Variants in MYH10 observed in about 807,000 individuals in gnomAD.
MYH10 encodes myosin heavy chain 10.
Under a neutral mutation model 257.8 loss-of-function variants are expected in MYH10, and 55 were observed. That is an observed-to-expected ratio of 0.21 (90% confidence interval 0.17 to 0.27). MYH10 has a LOEUF of 0.27. Ranked by LOEUF, MYH10 falls within the 10% of genes least tolerant of loss-of-function variation. MYH10 has a pLI of 1.00. For synonymous variants in MYH10, 854 were observed against 921.7 expected, an observed-to-expected ratio of 0.93 and a Z score of 1.33; for missense variants, 1,631 against 2,500.6, an observed-to-expected ratio of 0.65 and a Z score of 7.42.
chr17:8,567,553 G>C (rs1342643170), intron 7 of MYH10, among the ~76,000 whole-genome samples: 2 of 151,976 alleles, frequency 1.3e-5, no homozygotes, highest in African/African-American at 2.4e-5. Flanking sequence ...TTAGGAAGAG[G>C]GTCTTTAAAG....
intron 42 of MYH10, among the ~76,000 whole-genome samples, chr17:8,476,313 G>A (rs1046534782): frequency 3.3e-5 from 5 of 152,238 alleles, no homozygotes; most frequent in Admixed American, 2.6e-4. Flanking sequence ...TTGTTTCGGC[G>A]TTTTTATAAC....
At chr17:8,554,823 C>T (rs1397602641) in intron 7 of MYH10, among the ~76,000 whole-genome samples, 2 of 152,168 alleles carry the variant, frequency 1.3e-5, no homozygotes, top group African/African-American at 4.8e-5. Flanking sequence ...CATGGTGGCG[C>T]ATGCCTGTAA....
At chr17:8,494,820 T>A (rs571404594) in intron 31 of MYH10, among the ~76,000 whole-genome samples, 1 of 152,180 alleles carries the variant, frequency 6.6e-6, no homozygotes, top group Non-Finnish European at 1.5e-5. Context: ...TTATTGGAAA[T>A]GGCCAGCAAG....
At chr17:8,605,179 T>C (rs1023694007) in intron 2 of MYH10, among the ~76,000 whole-genome samples, 197 bp from the exon 3 acceptor site, 20 of 152,178 alleles carry the variant, frequency 1.3e-4, no homozygotes, top group African/African-American at 2.4e-5. Context: ...CTCCCACAGA[T>C]AGCTTATTAA....
intron 1 of MYH10, among the ~76,000 whole-genome samples, chr17:8,625,747 C>G (rs2085651010): frequency 6.6e-6 from 1 of 152,156 alleles, no homozygotes; most frequent in South Asian, 2.1e-4. Context: ...TCCCAAAGTG[C>G]TGGGATTACA....
rs760755512 is a variant in MYH10 at position 8,546,583 on chromosome 17, G to A, written c.1239C>T (p.Val413=). 17 of 1,613,916 alleles carry A rather than the reference G, an allele frequency of 1.1e-5. No individual in the cohort carries two copies. The East Asian group carries it at 2.5e-4, about 23-fold the overall frequency. The part of the protein sequence containing the change: ...TRAILTPRIK[V]GRDYVQKAQT... The stretch of plus-strand genomic sequence containing the variant: ...GGGCTTTTTGCACATAGTCTCGGCC[G>A]ACCTTGATCCGGGGAGTCAGGATGG... The change falls in exon 12 of 43, where the codon GTC becomes GTT. Residue 413 remains valine (V), a synonymous_variant. Coordinates refer to ENST00000360416, the MANE Select transcript of MYH10 (RefSeq NM_001256012.3).
chr17:8,587,650 T>C (rs2152042596), intron 4 of MYH10, among the ~76,000 whole-genome samples: 1 of 152,060 alleles, frequency 6.6e-6, no homozygotes, highest in Admixed American at 6.5e-5. Flanking sequence ...CTCATCACCC[T>C]CCTTGCTCTC....
chr17:8,620,571 T>C (rs1878824709), intron 2 of MYH10, among the ~76,000 whole-genome samples: 1 of 137,436 alleles, frequency 7.3e-6, no homozygotes, highest in African/African-American at 3.6e-5. Context: ...ATTTATGTTA[T>C]ATCTTATCTA....
At chr17:8,622,166 C>T (rs1245607267) in intron 2 of MYH10, among the ~76,000 whole-genome samples, 3 of 152,220 alleles carry the variant, frequency 2.0e-5, no homozygotes, top group African/African-American at 7.2e-5. Flanking sequence ...AAGTCCCACA[C>T]GTGCCACCTT....
At chr17:8,550,348 T>G (rs1302517904) in intron 9 of MYH10, among the ~76,000 whole-genome samples, 1 of 151,204 alleles carries the variant, frequency 6.6e-6, no homozygotes, top group Admixed American at 6.6e-5. Context: ...CCGCCCCGTC[T>G]GGGATGTGAG....
At chr17:8,564,357 A>G (rs772712038) in intron 7 of MYH10, among the ~76,000 whole-genome samples, 1 of 152,218 alleles carries the variant, frequency 6.6e-6, no homozygotes, top group Non-Finnish European at 1.5e-5. Context: ...ATGAAATTTC[A>G]CTGTATACAC....
At chr17:8,503,983 G>T (rs921512185) in intron 28 of MYH10, among the ~76,000 whole-genome samples, 1 of 152,176 alleles carries the variant, frequency 6.6e-6, no homozygotes, top group Admixed American at 6.5e-5. Context: ...GCTCTCCACA[G>T]TGATGACACC....
chr17:8,530,981 G>C (rs2081989556), intron 16 of MYH10, among the ~76,000 whole-genome samples: 1 of 152,138 alleles, frequency 6.6e-6, no homozygotes, highest in Non-Finnish European at 1.5e-5. Flanking sequence ...ACATTTATGA[G>C]GAATAAGGCA....
chr17:8,565,821 T>G (rs1241679144), intron 7 of MYH10, among the ~76,000 whole-genome samples: 1 of 152,238 alleles, frequency 6.6e-6, no homozygotes, highest in East Asian at 1.9e-4. Flanking sequence ...ACCAGCAGAA[T>G]GTAAAATAGG....
At chr17:8,507,712 C>T (rs1249686920) in intron 26 of MYH10, among the ~76,000 whole-genome samples, 2 of 152,250 alleles carry the variant, frequency 1.3e-5, no homozygotes, top group Admixed American at 6.5e-5. Context: ...TGGCTCACGC[C>T]TGTAATCCCA....
chr17:8,521,237 G>A lies in MYH10; in HGVS notation c.2006C>T (p.Ala669Val). 1.2e-6 allele frequency: 2 copies of A among 1,614,214 alleles called. No homozygotes were observed. Among genetic ancestry groups the A allele is most frequent in the South Asian group, 1.1e-5 (1 of 91,080 alleles). ...CTTGGTTTTATATGCGGAGCCAAAA[G>A]CTGTCTCAGTCATACCAGTGACTTG... ...LDQVTGMTET[A>V]FGSAYKTKKG... The change falls in exon 18 of 43, where the codon GCT becomes GTT. Residue 669 changes from alanine to valine, a missense_variant. Around this residue, in one of 11 missense-constraint regions of MYH10, gnomAD observed 96 missense variants for 146.2 expected, o/e 0.66. Transcript: ENST00000360416.
intron 30 of MYH10, 53 bp from the exon 31 acceptor site, chr17:8,495,294 T>C (rs895332897): frequency 5.3e-6 from 6 of 1,140,846 alleles, no homozygotes; most frequent in Non-Finnish European, 7.9e-6. Flanking sequence ...GCAGAAAGGG[T>C]CTAGAAACAC....
At position 8,513,538 on chromosome 17, in the gene MYH10, C is replaced by G; in HGVS notation, c.2745G>C (p.Gln915His). 3 of 1,613,964 alleles carry G rather than the reference C, an allele frequency of 1.9e-6. No individual in the cohort carries two copies. The highest frequency in any genetic ancestry group is 8.5e-7 in the Non-Finnish European group (1 of 1,179,910). ...ELEEMERKHQ[Q>H]LLEEKNILAE... is the part of the protein sequence containing the mutation. ...TGAGTTACAAGGTCACTGCACACAC[C>G]TGCTGGTGCTTCCGCTCCATCTCCT... Residue 915 changes from glutamine to histidine, a missense_variant and splice_region_variant, in exon 23 of 43, where the codon CAG (glutamine) becomes CAC (histidine). By Grantham distance (24) the Gln-to-His change is conservative. Coordinates refer to ENST00000360416, the MANE Select transcript of MYH10 (RefSeq NM_001256012.3).
intron 34 of MYH10, 32 bp downstream of exon 34, chr17:8,492,265 T>C (rs372439388): frequency 5.5e-5 from 88 of 1,599,792 alleles, no homozygotes; most frequent in Admixed American, 8.4e-5. Flanking sequence ...TACTCTCCCG[T>C]GCGGAAGTGT....
Sources: allele counts gnomAD v4.1 joint callset (sites outside exome capture counted in the v4.1 genomes callset), GRCh38; gene constraint gnomAD v4.1.1; regional missense constraint gnomAD v4.1.1; transcripts MANE v1.5; gene names NCBI Gene and HGNC (gene_info 2026-07-23, HGNC 2026-07-21).